The following DOK6 variants were observed in gnomAD, a reference collection of about 807,000 sequenced individuals.
DOK6 encodes docking protein 6, also known as downstream of tyrosine kinase 6.
In DOK6, 22 loss-of-function variants were observed where a neutral mutation model predicts 44.0. The observed-to-expected ratio is 0.50, with a 90% confidence interval of 0.36 to 0.71. The LOEUF is 0.71. Among genes scored for constraint, DOK6 ranks in the 30% least tolerant of loss-of-function variants. DOK6 has a pLI of 0.00. For missense variants in DOK6, 340 were observed against 416.4 expected, an observed-to-expected ratio of 0.82 and a Z score of 1.60; for synonymous variants, 166 against 145.5, an observed-to-expected ratio of 1.14 and a Z score of -1.01.
At chr18:69,703,241 G>T (rs7240140) in intron 5 of DOK6, among the ~76,000 whole-genome samples, 101,399 of 151,990 alleles carry the variant, frequency 0.67, 34,243 homozygotes, top group East Asian at 0.89. Context: ...TTTTCATGGA[G>T]GCCTTTGCTA....
chr18:69,443,389 G>T (rs1182948334), intron 1 of DOK6, among the ~76,000 whole-genome samples: 3 of 152,126 alleles, frequency 2.0e-5, no homozygotes, highest in Non-Finnish European at 4.4e-5. Context: ...AGCACTTCCG[G>T]CAATGTGACC....
chr18:69,598,055 G>A (rs1037548095), intron 2 of DOK6, among the ~76,000 whole-genome samples: 4 of 151,844 alleles, frequency 2.6e-5, no homozygotes, highest in African/African-American at 7.3e-5. Flanking sequence ...TAGATTACTC[G>A]CCTGTGATTT....
chr18:69,789,825 T>G (rs928874763), intron 7 of DOK6, among the ~76,000 whole-genome samples: 11 of 152,192 alleles, frequency 7.2e-5, no homozygotes, highest in African/African-American at 2.7e-4. Flanking sequence ...AAACACTTTT[T>G]CTTCTTTACT....
At chr18:69,838,091 A>T (rs1982101877) in intron 7 of DOK6, among the ~76,000 whole-genome samples, 1 of 145,330 alleles carries the variant, frequency 6.9e-6, no homozygotes, top group African/African-American at 2.6e-5. Context: ...TCTAGGATTT[A>T]AAAAAAGTGT....
intron 1 of DOK6, among the ~76,000 whole-genome samples, chr18:69,488,083 T>C (rs1049843181): frequency 1.3e-5 from 2 of 152,164 alleles, no homozygotes; most frequent in African/African-American, 4.8e-5. Flanking sequence ...GGTTTCCTTC[T>C]CTAGCCTTGT....
At chr18:69,493,251 G>A (rs1045302890) in intron 1 of DOK6, among the ~76,000 whole-genome samples, 1 of 152,048 alleles carries the variant, frequency 6.6e-6, no homozygotes, top group Non-Finnish European at 1.5e-5. Context: ...AAACTTACAC[G>A]TTTGGCATGG....
At chr18:69,758,957 C>T (rs894261323) in intron 7 of DOK6, among the ~76,000 whole-genome samples, 8 of 152,046 alleles carry the variant, frequency 5.3e-5, no homozygotes, top group East Asian at 1.9e-4. Context: ...TAATGGAGTT[C>T]GATCATGGAA....
chr18:69,470,797 T>A (rs1048054495), intron 1 of DOK6, among the ~76,000 whole-genome samples: 5 of 152,228 alleles, frequency 3.3e-5, no homozygotes, highest in African/African-American at 1.2e-4. Flanking sequence ...CGTAAGAAAT[T>A]TTCATTCGCT....
chr18:69,560,752 A>G (rs1283835752), intron 1 of DOK6, among the ~76,000 whole-genome samples: 1 of 152,108 alleles, frequency 6.6e-6, no homozygotes, highest in Non-Finnish European at 1.5e-5. Flanking sequence ...TGAGCTTTAC[A>G]TACTTAATTT....
At chr18:69,534,365 T>C (rs2144575839) in intron 1 of DOK6, among the ~76,000 whole-genome samples, 1 of 152,284 alleles carries the variant, frequency 6.6e-6, no homozygotes, top group East Asian at 1.9e-4. Context: ...AACTTCGCAA[T>C]TATCTATGCA....
chr18:69,702,203 C>T (rs1025868750), intron 5 of DOK6, among the ~76,000 whole-genome samples: 1 of 143,938 alleles, frequency 6.9e-6, no homozygotes, highest in African/African-American at 2.6e-5. Flanking sequence ...CACATATCTT[C>T]ATAAAAGAGT....
intron 7 of DOK6, among the ~76,000 whole-genome samples, chr18:69,792,563 T>A (rs1176132384): frequency 2.0e-5 from 3 of 152,128 alleles, no homozygotes; most frequent in African/African-American, 7.2e-5. Flanking sequence ...ACATTTTAAA[T>A]CAATTTTAAT....
intron 1 of DOK6, among the ~76,000 whole-genome samples, chr18:69,484,698 C>T (rs1409297133): frequency 6.6e-6 from 1 of 152,088 alleles, no homozygotes; most frequent in Non-Finnish European, 1.5e-5. Context: ...TAACATTGAA[C>T]TCACGGCCAG....
chr18:69,405,475 G>C (rs958904416), intron 1 of DOK6, among the ~76,000 whole-genome samples: 2 of 152,120 alleles, frequency 1.3e-5, no homozygotes, highest in African/African-American at 4.8e-5. Context: ...AGCTACTCAG[G>C]AGGCTGAGGT....
chr18:69,556,715 A>G (rs906804775), intron 1 of DOK6, among the ~76,000 whole-genome samples: 1 of 152,242 alleles, frequency 6.6e-6, no homozygotes, highest in Non-Finnish European at 1.5e-5. Context: ...TTGTAGCATT[A>G]TATTTATCTG....
intron 2 of DOK6, among the ~76,000 whole-genome samples, chr18:69,567,725 A>T (rs1010031634): frequency 6.6e-6 from 1 of 151,996 alleles, no homozygotes; most frequent in Admixed American, 6.6e-5. Flanking sequence ...GAAACTCTGG[A>T]TGTCAGGTTC....
At chr18:69,641,235 G>T (rs1212249259) in intron 3 of DOK6, among the ~76,000 whole-genome samples, 1 of 150,404 alleles carries the variant, frequency 6.6e-6, no homozygotes, top group Non-Finnish European at 1.5e-5. Context: ...AAAAAAAAAA[G>T]AACTCAACCT....
intron 1 of DOK6, among the ~76,000 whole-genome samples, chr18:69,515,314 A>G (rs1398545626): frequency 6.6e-6 from 1 of 152,224 alleles, no homozygotes; most frequent in Admixed American, 6.5e-5. Flanking sequence ...TGCATATGAA[A>G]GGAATTATAA....
At chr18:69,476,135 T>C (rs549045066) in intron 1 of DOK6, among the ~76,000 whole-genome samples, 29 of 152,278 alleles carry the variant, frequency 1.9e-4, no homozygotes, top group African/African-American at 7.0e-4. Context: ...TCCTTACAAG[T>C]GAGAACATGG....
Sources: allele counts gnomAD v4.1 joint callset (sites outside exome capture counted in the v4.1 genomes callset), GRCh38; gene constraint gnomAD v4.1.1; transcripts MANE v1.5; gene names NCBI Gene and HGNC (gene_info 2026-07-23, HGNC 2026-07-21).